Variants in HSPBAP1 observed in about 807,000 individuals in gnomAD.
HSPBAP1 encodes HSPB1-associated protein 1.
HSPBAP1 carries 27 observed loss-of-function variants against 45.2 expected under a neutral mutation model. The observed-to-expected ratio is 0.60, with a 90% CI of 0.44 to 0.82. The LOEUF is 0.82. HSPBAP1 is among the 40% of genes least tolerant of loss of function. The pLI, the probability that HSPBAP1 is intolerant of heterozygous loss-of-function variation, is 0.00. For missense variants in HSPBAP1, 510 were observed against 590.9 expected, an observed-to-expected ratio of 0.86 and a Z score of 1.42; for synonymous variants, 204 against 202.7, an observed-to-expected ratio of 1.01 and a Z score of -0.06.
At chr3:122,752,796 C>A in intron 5 of HSPBAP1, 122 bp from the exon 6 acceptor site, 1 of 1,382,114 alleles carries the variant, frequency 7.2e-7, no homozygotes, top group South Asian at 1.8e-5. Flanking sequence ...AATAATATTG[C>A]TGGAGAAAAG....
chr3:122,786,768 G>C (rs2107543210), intron 1 of HSPBAP1, among the ~76,000 whole-genome samples: 1 of 152,266 alleles, frequency 6.6e-6, no homozygotes, highest in Middle Eastern at 3.4e-3. Context: ...CAGAGTAGCA[G>C]GATGTTCACC....
At chr3:122,770,004 T>C (rs1162382944) in intron 2 of HSPBAP1, among the ~76,000 whole-genome samples, 2 of 152,214 alleles carry the variant, frequency 1.3e-5, no homozygotes, top group Non-Finnish European at 2.9e-5. Context: ...TATTAGTACT[T>C]CTTATCCATT....
chr3:122,759,329 C>T lies in HSPBAP1; in HGVS notation c.464G>A (p.Gly155Glu). 1.9e-6 allele frequency: 3 copies of T among 1,613,898 alleles called. No homozygotes were observed. The highest frequency in any genetic ancestry group is 2.5e-6 in the Non-Finnish European group (3 of 1,179,834). The change falls in exon 4 of 8, where the codon GGA (glycine) becomes GAA (glutamate). Residue 155 changes from glycine to glutamate, a missense_variant. Coordinates refer to ENST00000306103, the MANE Select transcript of HSPBAP1 (RefSeq NM_024610.6). ...CAATGTACTTTCCTGTCCATTTCTT[C>T]CAGGAAACCCGAAGTCAGACCATTT... ...DVKWSDFGFP[G>E]RNGQESTLWI... is the part of the protein sequence containing the mutation.
intron 1 of HSPBAP1, chr3:122,786,609 T>A (rs968661026): frequency 2.6e-5 from 4 of 152,338 alleles, no homozygotes; most frequent in East Asian, 1.9e-4. Context: ...AATTATCTGA[T>A]CTAAAAATCC....
chr3:122,747,188 C>A (rs1474807838), intron 6 of HSPBAP1, among the ~76,000 whole-genome samples: 1 of 151,688 alleles, frequency 6.6e-6, no homozygotes, highest in African/African-American at 2.4e-5. Flanking sequence ...GCCCGGCCGC[C>A]ATCCCATCTA....
intron 1 of HSPBAP1, among the ~76,000 whole-genome samples, chr3:122,778,785 C>G (rs1935287574): frequency 1.3e-5 from 2 of 152,228 alleles, no homozygotes; most frequent in Admixed American, 6.5e-5. Context: ...CTGCCTTGGC[C>G]TCCCAAAGTG....
Position 122,741,108 on chromosome 3 carries a change from C to T in HSPBAP1, c.831G>A (p.Glu277=), listed in dbSNP as rs1933653608. 6.2e-7 allele frequency: 1 copy of T among 1,612,182 alleles called. No homozygotes were observed. The highest frequency in any genetic ancestry group is 1.7e-5 in the Admixed American group (1 of 59,992). Residue 277 remains glutamate, a synonymous_variant, in exon 7 of 8, where the codon GAG becomes GAA. Transcript: ENST00000306103. ...CCTCTTCTACCCGGGCTAGGTGATC[C>T]TCTTCCTGAATTAAAAAAACACGCT... ...VSINSWIELE[E]DHLARVEEAI...
At chr3:122,772,448 C>T (rs537249982) in intron 2 of HSPBAP1, among the ~76,000 whole-genome samples, 25 of 152,190 alleles carry the variant, frequency 1.6e-4, no homozygotes, top group Non-Finnish European at 3.1e-4. Context: ...AAACTGGTAG[C>T]TTAATATGCG....
At position 122,740,525 on chromosome 3, in the gene HSPBAP1, A is replaced by T; in HGVS notation, c.1287T>A (p.His429Gln). ...TCATTATTTGTTGTCTCTTGGCACA[A>T]TGCAATTTTCCAAAGTGTTCTCCAT... is the stretch of plus-strand genomic sequence containing the variant. ...DKDGEHFGKLHCAKRQQIMSN... is the reference protein window; with the variant it reads ...DKDGEHFGKLQCAKRQQIMSN... Residue 429 changes from histidine (H) to glutamine (Q), a missense_variant, in exon 8 of 8, where the codon CAT becomes CAA. By Grantham distance (24) the His-to-Gln change is conservative. Coordinates refer to ENST00000306103, the MANE Select transcript of HSPBAP1 (RefSeq NM_024610.6). 6.2e-7 allele frequency: 1 copy of T among 1,614,202 alleles called. No individual in the cohort carries two copies. Among genetic ancestry groups the T allele is most frequent in the Non-Finnish European group, 8.5e-7 (1 of 1,180,042 alleles).
intron 3 of HSPBAP1, among the ~76,000 whole-genome samples, chr3:122,765,274 A>T (rs1308742108): frequency 2.0e-5 from 3 of 152,186 alleles, no homozygotes; most frequent in Non-Finnish European, 4.4e-5. Flanking sequence ...ATAGTTAATT[A>T]TATTATTTTA....
intron 3 of HSPBAP1, among the ~76,000 whole-genome samples, chr3:122,760,109 A>T (rs1349349687): frequency 2.6e-5 from 4 of 152,202 alleles, no homozygotes; most frequent in Non-Finnish European, 5.9e-5. Context: ...CTCTGGACTT[A>T]AGACTCTCCA....
chr3:122,767,244 A>G (rs532422855), intron 3 of HSPBAP1, among the ~76,000 whole-genome samples: 13 of 152,248 alleles, frequency 8.5e-5, no homozygotes, highest in Non-Finnish European at 1.6e-4. Context: ...ATTCTCAACT[A>G]ACAACTATGA....
At chr3:122,782,827 T>TTTCC (rs1935533349) in intron 1 of HSPBAP1, among the ~76,000 whole-genome samples, 1 of 152,230 alleles carries the variant, frequency 6.6e-6, no homozygotes, top group African/African-American at 2.4e-5. Flanking sequence ...AGGGAAGGAA[T>TTTCC]CATCAAAGAA....
intron 1 of HSPBAP1, among the ~76,000 whole-genome samples, chr3:122,778,957 G>A (rs1416482122): frequency 6.6e-6 from 1 of 152,012 alleles, no homozygotes; most frequent in Non-Finnish European, 1.5e-5. Context: ...CTATAAAATT[G>A]TCTTTTCAGA....
intron 2 of HSPBAP1, among the ~76,000 whole-genome samples, chr3:122,772,163 G>T (rs925962634): frequency 6.6e-6 from 1 of 152,154 alleles, no homozygotes; most frequent in African/African-American, 2.4e-5. Context: ...GAGCCAAATA[G>T]ACTTGATAAG....
At chr3:122,752,345 C>T (rs6783483) in intron 6 of HSPBAP1, among the ~76,000 whole-genome samples, 26,860 of 152,010 alleles carry the variant, frequency 0.18, 3,400 homozygotes, top group East Asian at 0.53. Flanking sequence ...ACCCTGCATG[C>T]CAGCATCAGG....
intron 1 of HSPBAP1, 96 bp downstream of exon 1, chr3:122,793,521 G>C: frequency 9.9e-7 from 1 of 1,014,636 alleles, no homozygotes; most frequent in East Asian, 2.4e-5. Flanking sequence ...AGAGAGACCT[G>C]GGTTGGGGCT....
At chr3:122,746,658 C>A (rs1379901553) in intron 6 of HSPBAP1, among the ~76,000 whole-genome samples, 1 of 150,320 alleles carries the variant, frequency 6.7e-6, no homozygotes, top group Non-Finnish European at 1.5e-5. Flanking sequence ...CCTCTCCCCA[C>A]GGTCTCCCTC....
At chr3:122,754,320 AG>A (rs1934262827) in intron 5 of HSPBAP1, 1 of 154,676 alleles carries the variant, frequency 6.5e-6, no homozygotes, top group Admixed American at 6.5e-5. Flanking sequence ...ATGAAGTGCT[AG>A]TAACATTCTA....
Sources: allele counts gnomAD v4.1 joint callset (sites outside exome capture counted in the v4.1 genomes callset), GRCh38; gene constraint gnomAD v4.1.1; transcripts MANE v1.5; gene names NCBI Gene and HGNC (gene_info 2026-07-23, HGNC 2026-07-21).